The following CA5A variants were observed in gnomAD, a reference collection of about 807,000 sequenced individuals.
The protein encoded by CA5A is carbonic anhydrase 5A.
In CA5A, 28 loss-of-function variants were observed where a neutral mutation model predicts 37.1. The ratio of observed to expected loss-of-function variants is 0.75; its 90% CI spans 0.56 to 1.03. The LOEUF is 1.03. CA5A is among the 50% of genes least tolerant of loss of function. The probability of loss-of-function intolerance (pLI) is 0.00; values close to 1 mark genes in which losing one functional copy is unlikely to be tolerated. For synonymous variants in CA5A, 171 were observed against 158.4 expected (o/e 1.08, Z -0.60); for missense variants, 444 against 399.9 (o/e 1.11, Z -0.94).
intron 3 of CA5A, among the ~76,000 whole-genome samples, chr16:87,903,037 G>A (rs188820943): frequency 7.4e-6 from 1 of 134,464 alleles, no homozygotes; most frequent in Non-Finnish European, 1.5e-5. Flanking sequence ...TCTTCCTGGT[G>A]GGGGGGGAAA....
At chr16:87,893,008 A>C (rs1423571011) in intron 5 of CA5A, 6 of 1,241,426 alleles carry the variant, frequency 4.8e-6, no homozygotes, top group Non-Finnish European at 6.9e-6. Flanking sequence ...ATGCCTAAGC[A>C]CCCGGAGATG....
At chr16:87,902,109 T>C in intron 4 of CA5A, 135 bp from the exon 5 acceptor site, 1 of 786,626 alleles carries the variant, frequency 1.3e-6, no homozygotes, top group Non-Finnish European at 2.2e-6. Context: ...ATCCTAGCAC[T>C]GTGGGAGGCC....
At chr16:87,905,053 G>C (rs528596959) in intron 2 of CA5A, 149 bp from the exon 3 acceptor site, 10 of 684,392 alleles carry the variant, frequency 1.5e-5, no homozygotes, top group Non-Finnish European at 2.7e-5. Context: ...GGTGGGCTCC[G>C]TGAAAGGTGG....
intron 2 of CA5A, among the ~76,000 whole-genome samples, chr16:87,905,608 C>T (rs2055949568): frequency 6.6e-6 from 1 of 152,234 alleles, no homozygotes; most frequent in African/African-American, 2.4e-5. Flanking sequence ...ATCCACCCGC[C>T]TCTGCCTCCC....
intron 5 of CA5A, chr16:87,893,058 A>T (rs1225264336): frequency 8.8e-7 from 1 of 1,139,810 alleles, no homozygotes; most frequent in Non-Finnish European, 1.3e-6. Flanking sequence ...CACGAAGGCC[A>T]TGCAGTCTCT....
chr16:87,905,092 C>A (rs547027600), intron 2 of CA5A, among the ~76,000 whole-genome samples, 188 bp from the exon 3 acceptor site: 1 of 152,020 alleles, frequency 6.6e-6, no homozygotes, highest in Non-Finnish European at 1.5e-5. Context: ...ACTCTGCCCC[C>A]CCCCAGCCCA....
intron 2 of CA5A, among the ~76,000 whole-genome samples, chr16:87,920,620 CTTATT>C (rs533192971): frequency 1.3e-5 from 2 of 150,116 alleles, no homozygotes; most frequent in Admixed American, 6.6e-5. Flanking sequence ...AATTTAGTCA[CTTATT>C]TTATTTTTTT....
chr16:87,922,783 G>T (rs2144049471), intron 2 of CA5A, among the ~76,000 whole-genome samples: 1 of 152,366 alleles, frequency 6.6e-6, no homozygotes, highest in East Asian at 1.9e-4. Context: ...ATGGCCTCCT[G>T]CTGGATTTTG....
Position 87,901,721 on chromosome 16 carries a change from G to A in CA5A, c.618+191C>T, listed in dbSNP as rs565558806. Among the ~76,000 whole-genome samples the A allele has an allele frequency of 4.6e-5, 7 of 151,990 alleles. No individual in the cohort carries two copies. In the South Asian group the frequency reaches 1.5e-3, roughly 32 times the overall value. On this transcript the variant is annotated intron_variant, in intron 5 of 6. Coordinates refer to ENST00000649794, the MANE Select transcript of CA5A (RefSeq NM_001739.2). ...TCCTGCCTCAGCCTCCCGAGTAGCT[G>A]GGATTGCAGGCATGTGCCACCGCAC... is the stretch of plus-strand genomic sequence containing the variant.
chr16:87,898,946 G>A (rs1472257633), intron 5 of CA5A, among the ~76,000 whole-genome samples: 2 of 152,186 alleles, frequency 1.3e-5, no homozygotes, highest in East Asian at 1.9e-4. Flanking sequence ...TGTTGGCCAG[G>A]CTGGTCTTGA....
intron 2 of CA5A, among the ~76,000 whole-genome samples, chr16:87,921,628 G>T (rs1293547321): frequency 6.6e-6 from 1 of 152,190 alleles, no homozygotes; most frequent in East Asian, 1.9e-4. Context: ...TCTGGACCCC[G>T]TGAATGGGAG....
At chr16:87,918,394 C>T (rs552702713) in intron 2 of CA5A, among the ~76,000 whole-genome samples, 10 of 152,128 alleles carry the variant, frequency 6.6e-5, no homozygotes, top group South Asian at 2.1e-4. Context: ...CTCCTCCCCC[C>T]GCTTTGCTCC....
chr16:87,888,569 T>C (rs1271232166), intron 6 of CA5A, among the ~76,000 whole-genome samples: 1 of 152,152 alleles, frequency 6.6e-6, no homozygotes, highest in Non-Finnish European at 1.5e-5. Context: ...CCCAGCGAAC[T>C]GCCAGCACCA....
intron 2 of CA5A, among the ~76,000 whole-genome samples, chr16:87,910,104 AAAC>A (rs2056029082): frequency 6.6e-6 from 1 of 151,916 alleles, no homozygotes. Context: ...AACAAACAAA[AAAC>A]AACGAACTGG....
chr16:87,931,619 G>T (rs962414052), intron 1 of CA5A, among the ~76,000 whole-genome samples: 2 of 152,202 alleles, frequency 1.3e-5, no homozygotes, highest in African/African-American at 2.4e-5. Context: ...GCTCGCTGGC[G>T]CTGGGGAAGG....
rs1205600025 is a variant in CA5A, at chr16:87,926,920, G to C, written c.168C>G (p.Val56=). The C allele has an allele frequency of 1.3e-6, 2 of 1,591,582 alleles. No homozygotes were observed. Among genetic ancestry groups the C allele is most frequent in the Non-Finnish European group, 1.7e-6 (2 of 1,167,874 alleles). The change falls in exon 2 of 7, where the codon GTC becomes GTG. Residue 56 remains valine, a synonymous_variant. Coordinates refer to ENST00000649794, the MANE Select transcript of CA5A (RefSeq NM_001739.2). ...NTLHPLWTVP[V]SVPGGTRQSP... ...ACTGCCGGGTGCCCCCTGGCACGGA[G>C]ACCGGGACCGTCCAGAGTGGGTGCA...
At chr16:87,902,141 G>A (rs984887959) in intron 4 of CA5A, among the ~76,000 whole-genome samples, 167 bp from the exon 5 acceptor site, 2 of 151,824 alleles carry the variant, frequency 1.3e-5, no homozygotes, top group African/African-American at 4.8e-5. Flanking sequence ...ATCATCTAAG[G>A]TCAGGAGTTC....
At chr16:87,904,978 T>A in intron 2 of CA5A, 74 bp from the exon 3 acceptor site, 1 of 903,290 alleles carries the variant, frequency 1.1e-6, no homozygotes, top group South Asian at 1.3e-5. Context: ...TGAGGCATTG[T>A]CTACATTAGG....
chr16:87,908,772 C>G (rs543833441), intron 2 of CA5A, among the ~76,000 whole-genome samples: 1 of 152,158 alleles, frequency 6.6e-6, no homozygotes, highest in Non-Finnish European at 1.5e-5. Context: ...TCATCCTTCC[C>G]GACCCCGAGC....
Sources: allele counts gnomAD v4.1 joint callset (sites outside exome capture counted in the v4.1 genomes callset), GRCh38; gene constraint gnomAD v4.1.1; transcripts MANE v1.5; gene names NCBI Gene and HGNC (gene_info 2026-07-23, HGNC 2026-07-21).